Variants in VPS41 observed in about 807,000 individuals in gnomAD.
VPS41 encodes the protein VPS41 subunit of HOPS complex.
Under a neutral mutation model 130.9 loss-of-function variants are expected in VPS41, and 85 were observed. That is an observed-to-expected ratio of 0.65 (90% CI 0.55 to 0.78). The LOEUF is 0.78. Ranked by LOEUF, VPS41 falls within the 30% of genes least tolerant of loss-of-function variation. VPS41 has a pLI of 0.00. For synonymous variants in VPS41, 335 were observed against 332.9 expected (o/e 1.01, Z -0.07); for missense variants, 874 against 1,018.7 (o/e 0.86, Z 1.93).
chr7:38,882,273 G>A (rs1230967726), intron 2 of VPS41, among the ~76,000 whole-genome samples: 3 of 152,236 alleles, frequency 2.0e-5, no homozygotes, highest in East Asian at 3.9e-4. Context: ...ATCCAGAGAC[G>A]GGATCCTCCC....
Position 38,765,484 on chromosome 7 carries a change from T to A in VPS41, c.1329+96A>T, listed in dbSNP as rs1450536391. 6.4e-6 allele frequency: 5 copies of A among 784,912 alleles called. No individual in the cohort carries two copies. The African/African-American group carries it at 9.1e-5, about 14-fold the overall frequency. The allele number at this position is 784,912 out of a possible 1,614,324, so 48.6% of individuals were successfully genotyped here. A position where few individuals can be genotyped will look rare whatever the true frequency, so the allele number is the denominator to read the frequency against. ...CTTTCCATCTGAGATAATAATCACG[T>A]CCTAAAAAAGAGCTGAGTACTATTA... On this transcript the variant is annotated intron_variant, in intron 16 of 28. Coordinates refer to ENST00000310301, the MANE Select transcript of VPS41 (RefSeq NM_014396.4).
chr7:38,904,294 G>A (rs576460836), intron 1 of VPS41, among the ~76,000 whole-genome samples: 10 of 152,168 alleles, frequency 6.6e-5, no homozygotes, highest in Middle Eastern at 3.2e-3. Flanking sequence ...GCCTCTAGCC[G>A]ACCAATTCAG....
At chr7:38,746,593 T>C (rs1163970646) in intron 22 of VPS41, among the ~76,000 whole-genome samples, 1 of 152,048 alleles carries the variant, frequency 6.6e-6, no homozygotes, top group Non-Finnish European at 1.5e-5. Flanking sequence ...TGAAACTGTG[T>C]GGTCCTCTTG....
chr7:38,794,794 G>A (rs1296864495), intron 9 of VPS41, among the ~76,000 whole-genome samples: 4 of 152,032 alleles, frequency 2.6e-5, no homozygotes, highest in South Asian at 2.1e-4. Flanking sequence ...TATTTTGTTC[G>A]AATTAAGCTG....
At chr7:38,846,688 G>C (rs1458839650) in intron 4 of VPS41, among the ~76,000 whole-genome samples, 4 of 152,124 alleles carry the variant, frequency 2.6e-5, no homozygotes, top group Non-Finnish European at 5.9e-5. Context: ...AGGGATTAGG[G>C]GAGACACAAG....
In VPS41 at chr7:38,786,036, T is replaced by C. The variant is rs193283298; in HGVS notation, c.784+3765A>G. On this transcript the variant is annotated intron_variant, in intron 10 of 28. Coordinates refer to ENST00000310301, the MANE Select transcript of VPS41 (RefSeq NM_014396.4). ...AGGTGAGCAGCTATCATCACTGATA[T>C]AGAAAAAGGGTCTTCAGATTCTAGA... 9.8e-5 allele frequency among the ~76,000 whole-genome samples: 15 copies of C among 152,310 alleles called. 1 individual carries two copies. In the Middle Eastern group the frequency reaches 0.01, roughly 104 times the overall value.
At chr7:38,731,434 C>T (rs192486658) in intron 25 of VPS41, among the ~76,000 whole-genome samples, 121 of 152,216 alleles carry the variant, frequency 7.9e-4, no homozygotes, top group Admixed American at 1.9e-3. Context: ...TTGCAATTTC[C>T]CATGAGTGTC....
intron 17 of VPS41, 57 bp from the exon 18 acceptor site, chr7:38,758,538 A>G (rs1783851410): frequency 4.0e-6 from 6 of 1,515,498 alleles, no homozygotes; most frequent in Non-Finnish European, 5.4e-6. Context: ...AATAGTTGTG[A>G]TATTGTGAAA....
chr7:38,822,553 C>G (rs1056654380), intron 5 of VPS41, among the ~76,000 whole-genome samples: 1 of 152,170 alleles, frequency 6.6e-6, no homozygotes. Context: ...ATGAATATAT[C>G]ACAATTCACA....
chr7:38,799,745 T>A (rs1784689757), intron 7 of VPS41, among the ~76,000 whole-genome samples: 1 of 152,158 alleles, frequency 6.6e-6, no homozygotes, highest in East Asian at 1.9e-4. Context: ...CAGGAATTTT[T>A]AAAAAATTAA....
At chr7:38,890,611 T>C (rs985627313) in intron 2 of VPS41, among the ~76,000 whole-genome samples, 9 of 152,220 alleles carry the variant, frequency 5.9e-5, no homozygotes, top group African/African-American at 2.2e-4. Context: ...TGGCGTGATA[T>C]TGTACTAGAG....
intron 5 of VPS41, among the ~76,000 whole-genome samples, chr7:38,826,354 A>T (rs1288449217): frequency 2.0e-5 from 3 of 152,220 alleles, no homozygotes; most frequent in Non-Finnish European, 4.4e-5. Context: ...AAGGTCTATT[A>T]AAAAAGTCCT....
intron 11 of VPS41, 60 bp from the exon 12 acceptor site, chr7:38,774,304 T>G: frequency 7.0e-7 from 1 of 1,434,178 alleles, no homozygotes; most frequent in Non-Finnish European, 9.3e-7. Flanking sequence ...TCATACAAAT[T>G]AATTCTAGTT....
intron 4 of VPS41, among the ~76,000 whole-genome samples, chr7:38,848,242 C>T (rs1311647321): frequency 6.6e-6 from 1 of 152,194 alleles, no homozygotes; most frequent in Non-Finnish European, 1.5e-5. Context: ...CTTCACACAC[C>T]TAATTACTCA....
At chr7:38,881,905 A>G (rs1786617723) in intron 2 of VPS41, among the ~76,000 whole-genome samples, 1 of 152,088 alleles carries the variant, frequency 6.6e-6, no homozygotes, top group Non-Finnish European at 1.5e-5. Flanking sequence ...TATGGACAAA[A>G]AATAATAAAA....
At chr7:38,812,723 G>A (rs773396864) in intron 7 of VPS41, among the ~76,000 whole-genome samples, 4 of 151,928 alleles carry the variant, frequency 2.6e-5, no homozygotes, top group South Asian at 2.1e-4. Context: ...AAAAATAGGC[G>A]AAGAATCTGA....
At chr7:38,774,741 C>G (rs943740786) in intron 11 of VPS41, among the ~76,000 whole-genome samples, 1 of 152,114 alleles carries the variant, frequency 6.6e-6, no homozygotes, top group African/African-American at 2.4e-5. Flanking sequence ...TTTATACTTT[C>G]GTTCCCTGGC....
intron 25 of VPS41, among the ~76,000 whole-genome samples, chr7:38,729,010 T>C (rs918364666): frequency 6.6e-6 from 1 of 152,194 alleles, no homozygotes; most frequent in African/African-American, 2.4e-5. Context: ...CATTTCATCA[T>C]TTCTTCCAAC....
chr7:38,771,075 G>A, intron 14 of VPS41, 123 bp downstream of exon 14: 1 of 729,552 alleles, frequency 1.4e-6, no homozygotes, highest in Non-Finnish European at 2.3e-6. Flanking sequence ...CATAGGTTAG[G>A]GAATTAGTTT....
Sources: allele counts gnomAD v4.1 joint callset (sites outside exome capture counted in the v4.1 genomes callset), GRCh38; gene constraint gnomAD v4.1.1; transcripts MANE v1.5; gene names NCBI Gene and HGNC (gene_info 2026-07-23, HGNC 2026-07-21).